TATDN2: variants seen among roughly 807,000 people sequenced by gnomAD.
TATDN2 encodes TatD DNase domain containing 2.
A neutral mutation model predicts 60.3 loss-of-function variants in TATDN2; 44 were observed. That is an observed-to-expected ratio of 0.73 (90% CI 0.57 to 0.94). The LOEUF is 0.94. Among genes scored for constraint, TATDN2 ranks in the 40% least tolerant of loss-of-function variants. The pLI, the probability that TATDN2 is intolerant of heterozygous loss-of-function variation, is 0.00. For synonymous variants in TATDN2, 399 were observed against 355.8 expected (o/e 1.12, Z -1.37); for missense variants, 997 against 948.0 (o/e 1.05, Z -0.68).
In TATDN2 at chr3:10,270,254, C is replaced by G; in HGVS notation, c.1072C>G (p.Pro358Ala). 1 of 1,614,162 alleles carries G rather than the reference C, an allele frequency of 6.2e-7. No homozygotes were observed. Among genetic ancestry groups the G allele is most frequent in the Middle Eastern group, 1.6e-4 (1 of 6,062 alleles). Residue 358 changes from proline to alanine, a missense_variant, in exon 4 of 8, where the codon CCG becomes GCG. By Grantham distance (27) the Pro-to-Ala change is conservative (BLOSUM62 -1). Coordinates refer to ENST00000448281, the MANE Select transcript of TATDN2 (RefSeq NM_014760.4). ...EPVSLKPSAV[P>A]EPSSFTTDYV... ...TGTCTCCCTGAAACCTTCAGCCGTT[C>G]CGGAGCCTTCTTCCTTCACCACCGA...
At position 10,276,284 on chromosome 3, in the gene TATDN2, T is replaced by C. The variant is rs992923574; in HGVS notation, c.1834-77T>C. The stretch of plus-strand genomic sequence containing the variant: ...AAAGAGAGACACAGGGGGTGCCTGC[T>C]GGACTGGGCGTTCCAGAGGTGATGG... On this transcript the variant is annotated intron_variant, in intron 4 of 7. Transcript: ENST00000448281. The C allele has an allele frequency of 4.5e-6, 7 of 1,559,132 alleles. No individual in the cohort carries two copies. In the African/African-American group the frequency reaches 8.3e-5, roughly 18 times the overall value.
intron 3 of TATDN2, among the ~76,000 whole-genome samples, chr3:10,261,506 G>A (rs1028324608): frequency 5.3e-5 from 8 of 152,018 alleles, no homozygotes; most frequent in African/African-American, 1.7e-4. Context: ...GAGTAGCTGG[G>A]ATTACAGGTG....
chr3:10,273,598 TA>T (rs35623374), intron 4 of TATDN2, among the ~76,000 whole-genome samples: 85,446 of 147,404 alleles, frequency 0.58, 25,192 homozygotes, highest in East Asian at 0.97. Context: ...TTTATTACAT[TA>T]AAAAAAAAAA....
At chr3:10,264,720 C>G (rs1018248638) in intron 3 of TATDN2, among the ~76,000 whole-genome samples, 19 of 151,670 alleles carry the variant, frequency 1.3e-4, no homozygotes, top group African/African-American at 2.7e-4. Flanking sequence ...ACTCTGCCAC[C>G]CAGGCTGGAG....
intron 2 of TATDN2, among the ~76,000 whole-genome samples, chr3:10,253,524 C>T (rs1698260790): frequency 6.6e-6 from 1 of 152,160 alleles, no homozygotes; most frequent in Non-Finnish European, 1.5e-5. Context: ...TCTTCATTTA[C>T]TCTTCACAGA....
Position 10,280,564 on chromosome 3 carries a change from G to A in TATDN2, c.*1382G>A, listed in dbSNP as rs1698719706. On this transcript the variant is annotated 3_prime_UTR_variant, in exon 8 of 8. Coordinates refer to ENST00000448281, the MANE Select transcript of TATDN2 (RefSeq NM_014760.4). Reference sequence around the variant, plus strand: ...TTAAATTGTAAAATACATCCCTTATGGAATCCTAAATTCCTCTAGGTGTTT... The same window carrying A: ...TTAAATTGTAAAATACATCCCTTATAGAATCCTAAATTCCTCTAGGTGTTT... The A allele has an allele frequency of 6.5e-6, 1 of 153,728 alleles. No individual in the cohort carries two copies. Among genetic ancestry groups the A allele is most frequent in the Non-Finnish European group, 1.5e-5 (1 of 68,052 alleles). The allele number at this position is 153,728 out of a possible 1,614,324, so 9.5% of individuals were successfully genotyped here.
chr3:10,249,563 C>T lies in TATDN2; in HGVS notation c.363C>T (p.Asn121=), dbSNP rs766717199. The change falls in exon 2 of 8, where the codon AAC becomes AAT. Residue 121 remains asparagine, a synonymous_variant. Coordinates refer to ENST00000448281, the MANE Select transcript of TATDN2 (RefSeq NM_014760.4). Reference sequence around the variant, plus strand: ...GGGGATCCCCTCTGCGTCCTGCCAACGCCTCTTTGGAAGAAATGGCTTCTC... The same window carrying T: ...GGGGATCCCCTCTGCGTCCTGCCAATGCCTCTTTGGAAGAAATGGCTTCTC... The part of the protein sequence containing the change: ...SSGGSPLRPA[N]ASLEEMASLE... 1.9e-6 allele frequency: 3 copies of T among 1,551,250 alleles called. No homozygotes were observed. In the Admixed American group the frequency reaches 6.1e-5, roughly 31 times the overall value.
At chr3:10,265,681 C>CAAAAAAA (rs60093055) in intron 3 of TATDN2, among the ~76,000 whole-genome samples, 1 of 62,690 alleles carries the variant, frequency 1.6e-5, no homozygotes, top group African/African-American at 5.5e-5. Flanking sequence ...GACTCCGTCT[C>CAAAAAAA]AAAAAAAAAA....
chr3:10,259,894 C>G (rs1698373498), intron 2 of TATDN2, among the ~76,000 whole-genome samples: 1 of 152,180 alleles, frequency 6.6e-6, no homozygotes, highest in African/African-American at 2.4e-5. Flanking sequence ...TTCATTTCAG[C>G]TCCTTCCGTC....
At position 10,260,690 on chromosome 3, in the gene TATDN2, G is replaced by C; in HGVS notation, c.948+20G>C. 2 of 1,595,490 alleles carry C rather than the reference G, an allele frequency of 1.3e-6. No individual in the cohort carries two copies. Among genetic ancestry groups the C allele is most frequent in the Non-Finnish European group, 1.7e-6 (2 of 1,171,092 alleles). On this transcript the variant is annotated intron_variant, in intron 3 of 7. Transcript: ENST00000448281. ...CAAAAGGTGAGTAAAGCTTGTACCA[G>C]GCATCTGACTTTTTAGTTCTGTTGA...
In TATDN2 at chr3:10,279,226, C is replaced by T. The variant is rs925765622; in HGVS notation, c.*44C>T. The T allele has an allele frequency of 1.5e-6, 1 of 660,214 alleles. No individual in the cohort carries two copies. The highest frequency in any genetic ancestry group is 2.5e-6 in the Non-Finnish European group (1 of 405,628). 40.9% of individuals were successfully genotyped at this position (660,214 alleles called of 1,614,324 possible). ...TTTTCTCTTCCACCCTCCAGGGCGA[C>T]CAGCAGCCTGACAGAACACAGGCTG... is the stretch of plus-strand genomic sequence containing the variant. On this transcript the variant is annotated 3_prime_UTR_variant, in exon 8 of 8. Coordinates refer to ENST00000448281, the MANE Select transcript of TATDN2 (RefSeq NM_014760.4).
intron 2 of TATDN2, 110 bp downstream of exon 2, chr3:10,249,724 G>T: frequency 1.6e-6 from 2 of 1,259,022 alleles, no homozygotes; most frequent in Non-Finnish European, 2.1e-6. Flanking sequence ...ATCCTTGAAG[G>T]TCTGGAAGGT....
intron 2 of TATDN2, among the ~76,000 whole-genome samples, chr3:10,250,579 C>T (rs910699348): frequency 6.6e-6 from 1 of 152,126 alleles, no homozygotes; most frequent in Non-Finnish European, 1.5e-5. Flanking sequence ...TTAAGCCTAG[C>T]CTTGGTGGTT....
At chr3:10,276,209 A>T in intron 4 of TATDN2, 152 bp from the exon 5 acceptor site, 1 of 1,047,576 alleles carries the variant, frequency 9.5e-7, no homozygotes, top group South Asian at 1.6e-5. Flanking sequence ...ACCTGGCTCT[A>T]TTGTAAGTGA....
At chr3:10,251,376 T>C (rs1420870447) in intron 2 of TATDN2, among the ~76,000 whole-genome samples, 2 of 152,062 alleles carry the variant, frequency 1.3e-5, no homozygotes, top group African/African-American at 4.8e-5. Flanking sequence ...TAAGGGACAA[T>C]TCCCTTAGAA....
intron 7 of TATDN2, 45 bp downstream of exon 7, chr3:10,279,108 CTT>C: frequency 6.6e-7 from 1 of 1,517,612 alleles, no homozygotes; most frequent in Non-Finnish European, 8.9e-7. Flanking sequence ...CAGGACAAGT[CTT>C]TTGTTGCATT....
intron 2 of TATDN2, among the ~76,000 whole-genome samples, chr3:10,259,050 T>G (rs1365333365): frequency 6.6e-6 from 1 of 152,180 alleles, no homozygotes; most frequent in African/African-American, 2.4e-5. Context: ...TTTGTAATTT[T>G]TAGTAGAGAC....
rs899443803 is a variant in TATDN2, at chr3:10,276,306, A to G, written c.1834-55A>G. ...TGCTGGACTGGGCGTTCCAGAGGTG[A>G]TGGACTTCTGAAGTGCTGCTAACCA... On this transcript the variant is annotated intron_variant, in intron 4 of 7. Transcript: ENST00000448281. 5.0e-6 allele frequency: 8 copies of G among 1,601,596 alleles called. No individual in the cohort carries two copies. The Admixed American group carries it at 1.2e-4, about 24-fold the overall frequency.
intron 3 of TATDN2, among the ~76,000 whole-genome samples, chr3:10,266,076 A>G (rs2125177424): frequency 6.6e-6 from 1 of 152,298 alleles, no homozygotes; most frequent in Admixed American, 6.5e-5. Context: ...ATCTGTGAAT[A>G]GCATCCAATG....
Sources: gnomAD v4.1 joint callset for allele counts (sites outside exome capture counted in the v4.1 genomes callset) on GRCh38, gnomAD v4.1.1 for gene constraint, MANE v1.5 for transcripts, NCBI Gene and HGNC (gene_info 2026-07-23, HGNC 2026-07-21) for gene names.